PRC1: variants seen among roughly 807,000 people sequenced by gnomAD.
PRC1 encodes protein regulator of cytokinesis 1.
In PRC1, 54 loss-of-function variants were observed where a neutral mutation model predicts 91.2. The observed-to-expected ratio is 0.59, with a 90% confidence interval of 0.48 to 0.74. The LOEUF is 0.74. PRC1 is among the 30% of genes least tolerant of loss of function. The pLI, the probability that PRC1 is intolerant of heterozygous loss-of-function variation, is 0.00. For missense variants in PRC1, 727 were observed against 746.2 expected (o/e 0.97, Z 0.30); for synonymous variants, 275 against 263.6 (o/e 1.04, Z -0.42).
At chr15:90,980,715 AG>A (rs1226886453) in intron 6 of PRC1, among the ~76,000 whole-genome samples, 168 bp downstream of exon 6, 1 of 151,984 alleles carries the variant, frequency 6.6e-6, no homozygotes, top group African/African-American at 2.4e-5. Flanking sequence ...CATGTTGTCC[AG>A]GCTGGTCTCG....
At chr15:90,994,312 G>A (rs1426755555) in intron 1 of PRC1, 95 bp downstream of exon 1, 13 of 1,583,840 alleles carry the variant, frequency 8.2e-6, no homozygotes, top group Non-Finnish European at 1.1e-5. Flanking sequence ...TCTAGGCCCG[G>A]GACCCCGCAC....
intron 12 of PRC1, among the ~76,000 whole-genome samples, chr15:90,969,913 T>C (rs1282981903): frequency 6.6e-6 from 1 of 151,732 alleles, no homozygotes; most frequent in Non-Finnish European, 1.5e-5. Flanking sequence ...CAAAACACTG[T>C]CTCTAGAAAA....
In PRC1 at chr15:90,967,007, A is replaced by G. The variant is rs2037552672; in HGVS notation, c.*124T>C. On this transcript the variant is annotated 3_prime_UTR_variant, in exon 15 of 15. Coordinates refer to ENST00000394249, the MANE Select transcript of PRC1 (RefSeq NM_003981.4). ...TCATTCACATCTTTAAGTTAGGCCC[A>G]TGGTCATGGAACCTGGCCAAGGTTT... is the stretch of plus-strand genomic sequence containing the variant. The G allele has an allele frequency of 8.8e-6, 7 of 797,832 alleles. No individual in the cohort carries two copies. In the East Asian group the frequency reaches 1.2e-4, roughly 14 times the overall value. 49.4% of individuals were successfully genotyped at this position (797,832 alleles called of 1,614,324 possible).
chr15:90,978,173 C>A (rs1454023593), intron 8 of PRC1, among the ~76,000 whole-genome samples: 6 of 152,180 alleles, frequency 3.9e-5, no homozygotes, highest in African/African-American at 1.4e-4. Context: ...TCTGAAGGAA[C>A]CCACCATGTT....
chr15:90,974,038 C>T lies in PRC1; in HGVS notation c.1461+98G>A, dbSNP rs1018350559. 4.3e-6 allele frequency: 4 copies of T among 937,364 alleles called. No individual in the cohort carries two copies. The highest frequency in any genetic ancestry group is 6.8e-6 in the Non-Finnish European group (4 of 585,654). The allele number at this position is 937,364 out of a possible 1,614,324, so 58.1% of individuals were successfully genotyped here. ...CTCTTGTCCCACCTGATGAGAAATA[C>T]CCACAGGTGTGGAGGGGCTGGCCCC... On this transcript the variant is annotated intron_variant, in intron 11 of 14. Transcript: ENST00000394249. This position sits in a 1 kb window ranked among gnomAD's most constrained non-coding sequence, Gnocchi z 4.6.
Position 90,966,695 on chromosome 15 carries a change from G to GAT in PRC1, c.*434_*435dup, listed in dbSNP as rs2037521324. ...AGGCTTCAGGTAAGAGCAAAGCTAT[G>GAT]ATAGCTACAGCATTAATTGAACATG... is the stretch of plus-strand genomic sequence containing the variant. On this transcript the variant is annotated 3_prime_UTR_variant, in exon 15 of 15. Coordinates refer to ENST00000394249, the MANE Select transcript of PRC1 (RefSeq NM_003981.4). 1 of 455,888 alleles carries GAT rather than the reference G, an allele frequency of 2.2e-6. No homozygotes were observed. Among genetic ancestry groups the GAT allele is most frequent in the Non-Finnish European group, 4.4e-6 (1 of 226,910 alleles). 28.2% of individuals were successfully genotyped at this position (455,888 alleles called of 1,614,324 possible).
At chr15:90,986,592 T>G (rs1469496271) in intron 1 of PRC1, among the ~76,000 whole-genome samples, 1 of 152,148 alleles carries the variant, frequency 6.6e-6, no homozygotes, top group African/African-American at 2.4e-5. Context: ...GAGCCAAGAT[T>G]GTACCACTGT....
chr15:90,972,212 A>ACC (rs2038211496), intron 11 of PRC1, among the ~76,000 whole-genome samples: 1 of 131,864 alleles, frequency 7.6e-6, no homozygotes, highest in Non-Finnish European at 1.6e-5. Context: ...AAACACCACC[A>ACC]ACAAAAAAAA....
At position 90,976,775 on chromosome 15, in the gene PRC1, T is replaced by C. The variant is rs1230073994; in HGVS notation, c.1108-4A>G. On this transcript the variant is annotated splice_polypyrimidine_tract_variant and splice_region_variant and intron_variant, in intron 8 of 14. Transcript: ENST00000394249. ...GATTTGGATCTGAAGCTTTTCTCTGTGAAAAATACATTTTTAATTAGTGGA... is the reference window on the plus strand; with the variant it reads ...GATTTGGATCTGAAGCTTTTCTCTGCGAAAAATACATTTTTAATTAGTGGA... 1.2e-6 allele frequency: 2 copies of C among 1,604,966 alleles called. No homozygotes were observed. The highest frequency in any genetic ancestry group is 3.4e-5 in the Admixed American group (2 of 59,556).
chr15:90,979,243 A>C lies in PRC1; in HGVS notation c.1022T>G (p.Leu341Ter). The change falls in exon 8 of 15, where the codon TTA becomes TGA. Residue 341 changes from leucine (L) to a stop codon, truncating the protein, a stop_gained. Transcript: ENST00000394249. LOFTEE classifies it high-confidence loss of function. ...LQLHDAEIVR[L>*]KNYYEVHKEL... ...CTTGTGAACTTCATAGTAGTTTTTTAACCGCACAATCTCAGCATCGTGGAG... is the reference window on the plus strand; with the variant it reads ...CTTGTGAACTTCATAGTAGTTTTTTCACCGCACAATCTCAGCATCGTGGAG... 6.2e-7 allele frequency: 1 copy of C among 1,614,222 alleles called. No homozygotes were observed. The highest frequency in any genetic ancestry group is 1.1e-5 in the South Asian group (1 of 91,086).
intron 1 of PRC1, among the ~76,000 whole-genome samples, chr15:90,993,504 A>C (rs2040103101): frequency 6.6e-6 from 1 of 152,194 alleles, no homozygotes; most frequent in Admixed American, 6.5e-5. Flanking sequence ...AAAGCCTTAG[A>C]ACAATCAGTT....
chr15:90,967,903 C>T, intron 14 of PRC1: 1 of 985,436 alleles, frequency 1.0e-6, no homozygotes, highest in Non-Finnish European at 1.2e-6. Context: ...CTCTTGAGCC[C>T]TTTATAAAAC....
rs1004058972 is a variant in PRC1 at position 90,966,643 on chromosome 15, G to A, written c.*488C>T. 3.1e-5 allele frequency: 14 copies of A among 456,126 alleles called. No individual in the cohort carries two copies. The highest frequency in any genetic ancestry group is 3.1e-4 in the Admixed American group (13 of 42,560). The allele number at this position is 456,126 out of a possible 1,614,324, so 28.3% of individuals were successfully genotyped here. A position where few individuals can be genotyped will look rare whatever the true frequency, so the allele number is the denominator to read the frequency against. On this transcript the variant is annotated 3_prime_UTR_variant, in exon 15 of 15. Coordinates refer to ENST00000394249, the MANE Select transcript of PRC1 (RefSeq NM_003981.4). ...ACACACAAAGACATTCTCTTCAGGA[G>A]GAAGGCTGTCCTGTGTGGTGGGGAC... is the stretch of plus-strand genomic sequence containing the variant.
intron 6 of PRC1, 123 bp from the exon 7 acceptor site, chr15:90,980,512 CTT>C (rs35250469): frequency 0.057 from 27,212 of 481,392 alleles, 23 homozygotes; most frequent in African/African-American, 0.071. Context: ...TAAATCAACA[CTT>C]TTTTTTTTTT....
At position 90,984,422 on chromosome 15, in the gene PRC1, G is replaced by A. The variant is rs1384304912; in HGVS notation, c.144+271C>T. Among the ~76,000 whole-genome samples the A allele has an allele frequency of 6.6e-6, 1 of 151,910 alleles. No individual in the cohort carries two copies. The highest frequency in any genetic ancestry group is 1.9e-4 in the East Asian group (1 of 5,182). On this transcript the variant is annotated intron_variant, in intron 2 of 14. Transcript: ENST00000394249. The surrounding 1 kb of genome is among the most constrained non-coding windows in gnomAD (Gnocchi z 5.1). ...TTTTTTATTTTTAGTAGAGACGGAGGTTCACCATGTTGATCAGGCTGGTCT... is the reference window on the plus strand; with the variant it reads ...TTTTTTATTTTTAGTAGAGACGGAGATTCACCATGTTGATCAGGCTGGTCT...
chr15:90,991,845 A>G (rs549253102), intron 1 of PRC1, among the ~76,000 whole-genome samples: 1 of 152,200 alleles, frequency 6.6e-6, no homozygotes, highest in South Asian at 2.1e-4. Flanking sequence ...TCCATTGTCA[A>G]CACAGGAGCC....
Position 90,967,149 on chromosome 15 carries a change from T to G in PRC1, c.1845A>C (p.Ser615=), listed in dbSNP as rs747071942. The G allele has an allele frequency of 6.2e-7, 1 of 1,614,124 alleles. No homozygotes were observed. The highest frequency in any genetic ancestry group is 1.1e-5 in the South Asian group (1 of 91,084). Reference sequence around the variant, plus strand: ...GGGCTTCTCAGGACTGGATGTTGGTTGAATTGAGGATTCCAGAAGTAGCAT... The same window carrying G: ...GGGCTTCTCAGGACTGGATGTTGGTGGAATTGAGGATTCCAGAAGTAGCAT... ...KSDATSGILN[S]TNIQS Residue 615 remains serine, a synonymous_variant, in exon 15 of 15, where the codon TCA becomes TCC. Coordinates refer to ENST00000394249, the MANE Select transcript of PRC1 (RefSeq NM_003981.4).
chr15:90,968,894 A>G (rs1037639504), intron 14 of PRC1, 185 bp downstream of exon 14: 1 of 1,408,182 alleles, frequency 7.1e-7, no homozygotes, highest in African/African-American at 1.4e-5. Flanking sequence ...GTCTGAACAA[A>G]TTTTATTAAT....
intron 14 of PRC1, chr15:90,968,711 A>G (rs2037766607): frequency 9.1e-7 from 1 of 1,104,792 alleles, no homozygotes; most frequent in Non-Finnish European, 1.1e-6. Context: ...ACACAGGCCA[A>G]GAGCCTCATT....
Sources: gnomAD v4.1 joint callset for allele counts (sites outside exome capture counted in the v4.1 genomes callset) on GRCh38, gnomAD v4.1.1 for gene constraint, Gnocchi (gnomAD v3.1) non-coding constraint, MANE v1.5 for transcripts, NCBI Gene and HGNC (gene_info 2026-07-23, HGNC 2026-07-21) for gene names.